DENND2A: variants seen among roughly 807,000 people sequenced by gnomAD.
DENND2A encodes DENN domain containing 2A, also known as DENN domain-containing protein 2A.
Under a neutral mutation model 105.3 loss-of-function variants are expected in DENND2A, and 53 were observed. The ratio of observed to expected loss-of-function variants is 0.50; its 90% CI spans 0.40 to 0.63. The LOEUF (loss-of-function observed/expected upper bound fraction) is 0.63. Among genes scored for constraint, DENND2A ranks in the 30% least tolerant of loss-of-function variants. DENND2A has a pLI of 0.00. For missense variants in DENND2A, 1,138 were observed against 1,279.6 expected, an observed-to-expected ratio of 0.89 and a Z score of 1.69; for synonymous variants, 522 against 508.4, an observed-to-expected ratio of 1.03 and a Z score of -0.36.
chr7:140,590,476 T>C (rs1798971035), intron 3 of DENND2A, among the ~76,000 whole-genome samples: 1 of 152,200 alleles, frequency 6.6e-6, no homozygotes, highest in Admixed American at 6.5e-5. Context: ...AGGATTAGCT[T>C]TTATCCCAGT....
intron 1 of DENND2A, among the ~76,000 whole-genome samples, chr7:140,624,093 G>A (rs1484721418): frequency 1.3e-5 from 2 of 152,202 alleles, no homozygotes; most frequent in Non-Finnish European, 2.9e-5. Flanking sequence ...GAGCTGACAG[G>A]AGGAATGGGA....
In DENND2A at chr7:140,611,868, A is replaced by C. The variant is rs150025431; in HGVS notation, c.-247-6062T>G. Among the ~76,000 whole-genome samples the C allele has an allele frequency of 7.2e-5, 11 of 152,300 alleles. No individual in the cohort carries two copies. The East Asian group carries it at 1.9e-3, about 27-fold the overall frequency. On this transcript the variant is annotated intron_variant, in intron 1 of 19. Transcript: ENST00000496613. Reference sequence around the variant, plus strand: ...GTGAGGGTTTCTTTGGAATGATAGAAATGTCCTAAAATTTCATAGCGGTGA... The same window carrying C: ...GTGAGGGTTTCTTTGGAATGATAGACATGTCCTAAAATTTCATAGCGGTGA...
At chr7:140,583,853 G>A (rs1798654896) in intron 5 of DENND2A, among the ~76,000 whole-genome samples, 2 of 148,444 alleles carry the variant, frequency 1.3e-5, no homozygotes, top group African/African-American at 5.2e-5. Flanking sequence ...GTAAACCTGG[G>A]AGGTGGAGCT....
intron 1 of DENND2A, among the ~76,000 whole-genome samples, chr7:140,610,290 GAA>G (rs576801972): frequency 7.5e-4 from 75 of 100,262 alleles, no homozygotes; most frequent in African/African-American, 2.1e-3. Context: ...TAGTCTTAAG[GAA>G]AAAAAAAAAA....
intron 8 of DENND2A, among the ~76,000 whole-genome samples, chr7:140,568,072 C>G (rs1355260254): frequency 1.3e-5 from 2 of 152,314 alleles, no homozygotes; most frequent in Non-Finnish European, 2.9e-5. Context: ...TCCTGAGTAT[C>G]TGGGATTACA....
In DENND2A at chr7:140,546,883, G is replaced by T; in HGVS notation, c.2094C>A (p.Leu698=). 1 of 1,614,202 alleles carries T rather than the reference G, an allele frequency of 6.2e-7. No homozygotes were observed. The highest frequency in any genetic ancestry group is 1.7e-4 in the Middle Eastern group (1 of 6,060). Residue 698 remains leucine (L), a synonymous_variant, in exon 13 of 20, where the codon CTC becomes CTA. Transcript: ENST00000496613. The part of the protein sequence containing the change: ...RGISPALVQP[L]MRSVMEAPFP... Reference sequence around the variant, plus strand: ...AAGGGGCTTCCATGACACTTCTCATGAGTGGCTGAACCAGGGCAGGAGAGA... The same window carrying T: ...AAGGGGCTTCCATGACACTTCTCATTAGTGGCTGAACCAGGGCAGGAGAGA...
In DENND2A at chr7:140,548,737, C is replaced by T. The variant is rs549052577; in HGVS notation, c.2038-1798G>A. 1.8e-4 allele frequency among the ~76,000 whole-genome samples: 28 copies of T among 151,530 alleles called. 1 individual carries two copies. Among genetic ancestry groups the T allele is most frequent in the African/African-American group, 6.8e-4 (28 of 41,424 alleles). Reference sequence around the variant, plus strand: ...CAAGCAATTCTCCTGCCTCAGCCTCCCGAGTAGCTGGGATTACAGGCATGC... The same window carrying T: ...CAAGCAATTCTCCTGCCTCAGCCTCTCGAGTAGCTGGGATTACAGGCATGC... On this transcript the variant is annotated intron_variant, in intron 12 of 19. Transcript: ENST00000496613.
intron 3 of DENND2A, among the ~76,000 whole-genome samples, chr7:140,596,133 T>G (rs1799275683): frequency 6.6e-6 from 1 of 152,214 alleles, no homozygotes; most frequent in Non-Finnish European, 1.5e-5. Context: ...ACTATTTCTG[T>G]CCCTCATTGT....
chr7:140,579,881 A>G (rs1798464217), intron 5 of DENND2A, among the ~76,000 whole-genome samples: 1 of 152,094 alleles, frequency 6.6e-6, no homozygotes, highest in Non-Finnish European at 1.5e-5. Flanking sequence ...CCTGTAATCC[A>G]AGCACTTTGG....
intron 1 of DENND2A, among the ~76,000 whole-genome samples, chr7:140,635,493 C>T (rs1800890930): frequency 6.6e-6 from 1 of 152,152 alleles, no homozygotes; most frequent in South Asian, 2.1e-4. Context: ...GAGGAGGGGT[C>T]ACAGCCAAGG....
intron 3 of DENND2A, among the ~76,000 whole-genome samples, chr7:140,588,509 T>C (rs1798877977): frequency 1.3e-5 from 2 of 152,172 alleles, no homozygotes; most frequent in Admixed American, 1.3e-4. Flanking sequence ...ACAGTCCTTA[T>C]TATAGTACAG....
intron 1 of DENND2A, among the ~76,000 whole-genome samples, chr7:140,630,866 A>G (rs980496074): frequency 9.2e-5 from 14 of 152,252 alleles, no homozygotes; most frequent in African/African-American, 3.1e-4. Context: ...GTCTCAAAAA[A>G]CAAAAACAAA....
chr7:140,618,602 C>G (rs1263466126), intron 1 of DENND2A, among the ~76,000 whole-genome samples: 1 of 152,166 alleles, frequency 6.6e-6, no homozygotes, highest in Non-Finnish European at 1.5e-5. Flanking sequence ...TTCCCGTGGT[C>G]TCATATCTAA....
At chr7:140,566,282 T>C (rs1797831536) in intron 9 of DENND2A, among the ~76,000 whole-genome samples, 1 of 152,146 alleles carries the variant, frequency 6.6e-6, no homozygotes, top group African/African-American at 2.4e-5. Flanking sequence ...TCCGCCCACT[T>C]CGGCCTCCCA....
At chr7:140,542,283 C>CG (rs1457535360) in intron 14 of DENND2A, among the ~76,000 whole-genome samples, 2 of 152,260 alleles carry the variant, frequency 1.3e-5, no homozygotes, top group Non-Finnish European at 2.9e-5. Flanking sequence ...CATTTCCTTC[C>CG]GGATCTTCTT....
At chr7:140,582,798 G>A (rs1420970514) in intron 5 of DENND2A, among the ~76,000 whole-genome samples, 1 of 152,232 alleles carries the variant, frequency 6.6e-6, no homozygotes, top group Non-Finnish European at 1.5e-5. Flanking sequence ...GCCTTGCCAT[G>A]AGATTTAAGT....
intron 16 of DENND2A, 81 bp downstream of exon 16, chr7:140,525,670 T>C: frequency 7.4e-7 from 1 of 1,349,232 alleles, no homozygotes; most frequent in African/African-American, 1.5e-5. Flanking sequence ...CAAAGAGCCT[T>C]TCCAAGGCTG....
At chr7:140,597,181 A>T (rs1346678621) in intron 3 of DENND2A, among the ~76,000 whole-genome samples, 3 of 152,254 alleles carry the variant, frequency 2.0e-5, no homozygotes, top group African/African-American at 4.8e-5. Flanking sequence ...TCTTAAACCG[A>T]GGATCTGAAT....
At chr7:140,575,063 T>TA (rs1457062359) in intron 5 of DENND2A, among the ~76,000 whole-genome samples, 1 of 151,880 alleles carries the variant, frequency 6.6e-6, no homozygotes, top group African/African-American at 2.4e-5. Flanking sequence ...AAATACTTGC[T>TA]AAAAAAATTT....
Sources: allele counts gnomAD v4.1 joint callset (sites outside exome capture counted in the v4.1 genomes callset), GRCh38; gene constraint gnomAD v4.1.1; transcripts MANE v1.5; gene names NCBI Gene and HGNC (gene_info 2026-07-23, HGNC 2026-07-21).